The following LRRC66 variants were observed in gnomAD, a reference collection of about 807,000 sequenced individuals.
LRRC66 encodes leucine-rich repeat-containing protein 66.
In LRRC66, 29 loss-of-function variants were observed where a neutral mutation model predicts 24.6. The ratio of observed to expected loss-of-function variants is 1.18; its 90% CI spans 0.88 to 1.61. The LOEUF (loss-of-function observed/expected upper bound fraction) is 1.61, where lower values mean the gene tolerates loss of function less well. Ranked by LOEUF, LRRC66 falls within the 40% of genes most tolerant of loss-of-function variation. The probability of loss-of-function intolerance (pLI) is 0.00; values close to 1 mark genes in which losing one functional copy is unlikely to be tolerated. For synonymous variants in LRRC66, 411 were observed against 397.6 expected, an observed-to-expected ratio of 1.03 and a Z score of -0.40; for missense variants, 1,124 against 1,058.0, an observed-to-expected ratio of 1.06 and a Z score of -0.87.
At chr4:51,999,910 TC>T (rs1224483299) in intron 3 of LRRC66, among the ~76,000 whole-genome samples, 2 of 152,222 alleles carry the variant, frequency 1.3e-5, no homozygotes, top group African/African-American at 2.4e-5. Flanking sequence ...ATTTGAAATG[TC>T]AGTGAAACTT....
intron 2 of LRRC66, among the ~76,000 whole-genome samples, chr4:52,016,643 T>C (rs1736818262): frequency 6.6e-6 from 1 of 152,122 alleles, no homozygotes; most frequent in African/African-American, 2.4e-5. Flanking sequence ...TACCAATATA[T>C]AATATTAGGA....
intron 2 of LRRC66, among the ~76,000 whole-genome samples, chr4:52,006,012 C>T (rs921586071): frequency 1.3e-5 from 2 of 152,208 alleles, no homozygotes; most frequent in African/African-American, 4.8e-5. Flanking sequence ...GCTTTCTTAA[C>T]ATTTTCATGA....
chr4:52,004,899 C>T (rs1736538924), intron 2 of LRRC66, among the ~76,000 whole-genome samples: 1 of 152,186 alleles, frequency 6.6e-6, no homozygotes, highest in African/African-American at 2.4e-5. Flanking sequence ...AGCATAGAAT[C>T]TTTACTCTTT....
Position 52,015,742 on chromosome 4 carries a change from C to T in LRRC66, c.496+1376G>A, listed in dbSNP as rs542924062. Among the ~76,000 whole-genome samples the T allele has an allele frequency of 3.9e-5, 6 of 152,190 alleles. No homozygotes were observed. In the East Asian group the frequency reaches 1.2e-3, roughly 29 times the overall value. On this transcript the variant is annotated intron_variant, in intron 2 of 4. Transcript: ENST00000682860. ...AATGACGTCCATCAAAAAACAAAAC[C>T]TGGAAATAACCTAGTGCTTGATTAA...
At chr4:51,998,603 T>C (rs1736376774) in intron 3 of LRRC66, among the ~76,000 whole-genome samples, 2 of 152,174 alleles carry the variant, frequency 1.3e-5, no homozygotes, top group Admixed American at 1.3e-4. Flanking sequence ...TTTCTCCACA[T>C]CCATGGCTAT....
At chr4:52,006,556 TG>T (rs1410088587) in intron 2 of LRRC66, among the ~76,000 whole-genome samples, 5 of 27,080 alleles carry the variant, frequency 1.8e-4, no homozygotes, top group Non-Finnish European at 2.7e-4. Context: ...TGTTGTGGGT[TG>T]GGGGGAGGGG....
intron 3 of LRRC66, 94 bp downstream of exon 3, chr4:52,003,129 C>G: frequency 3.1e-6 from 3 of 968,568 alleles, no homozygotes; most frequent in Non-Finnish European, 4.6e-6. Context: ...GCCAGTACTA[C>G]TGGACATGAA....
At position 51,995,665 on chromosome 4, in the gene LRRC66, C is replaced by CT; in HGVS notation, c.1356_1357insA (p.Glu453ArgfsTer20). On this transcript the variant is annotated frameshift_variant, in exon 5 of 5. Coordinates refer to ENST00000682860, the MANE Select transcript of LRRC66 (RefSeq NM_001024611.3). LOFTEE classifies it low-confidence loss of function (END_TRUNC). Reference sequence around the variant, plus strand: ...GTCACCCAGAAAGGGGTCTGGTTCTCGTAGAGGCTTAGATGAGGAAATACT... The same window carrying CT: ...GTCACCCAGAAAGGGGTCTGGTTCTCTGTAGAGGCTTAGATGAGGAAATACT... The CT allele has an allele frequency of 2.5e-6, 4 of 1,614,106 alleles. No homozygotes were observed. Among genetic ancestry groups the CT allele is most frequent in the Non-Finnish European group, 3.4e-6 (4 of 1,180,022 alleles).
intron 3 of LRRC66, among the ~76,000 whole-genome samples, chr4:52,000,607 G>A (rs1736426608): frequency 6.6e-6 from 1 of 152,226 alleles, no homozygotes; most frequent in African/African-American, 2.4e-5. Context: ...CTTCCTCGAT[G>A]GCTCTGAAGC....
At chr4:52,014,382 C>A (rs555438732) in intron 2 of LRRC66, among the ~76,000 whole-genome samples, 2 of 152,304 alleles carry the variant, frequency 1.3e-5, no homozygotes, top group East Asian at 1.9e-4. Context: ...AATCTTCAGA[C>A]AAGATTCTGA....
chr4:52,018,337 G>C, intron 1 of LRRC66: 1 of 984,718 alleles, frequency 1.0e-6, no homozygotes, highest in Non-Finnish European at 1.2e-6. Flanking sequence ...AAAAAGAAGT[G>C]TGTACAAATT....
intron 2 of LRRC66, among the ~76,000 whole-genome samples, chr4:52,006,822 C>T (rs1736597422): frequency 2.6e-5 from 4 of 151,544 alleles, no homozygotes; most frequent in Non-Finnish European, 4.4e-5. Context: ...CTAAGCATTT[C>T]ACAGACATCT....
intron 3 of LRRC66, among the ~76,000 whole-genome samples, chr4:52,000,074 T>G (rs1291016413): frequency 2.0e-5 from 3 of 152,226 alleles, no homozygotes; most frequent in African/African-American, 7.2e-5. Context: ...ATTCAGCTTT[T>G]TTGGTACCAA....
rs755688418 is a variant in LRRC66, at chr4:51,995,673, C to A, written c.1349G>T (p.Ser450Ile). The change falls in exon 5 of 5, where the codon AGC (serine) becomes ATC (isoleucine). Residue 450 changes from serine to isoleucine, a missense_variant. Physicochemically the swap from Ser to Ile is moderately radical, Grantham distance 142 (BLOSUM62 -2). Transcript: ENST00000682860. ...GAAAGGGGTCTGGTTCTCGTAGAGG[C>A]TTAGATGAGGAAATACTTGGCGCAG... ...THLRQVFPHLSLYENQTPFWV... is the reference protein window; with the variant it reads ...THLRQVFPHLILYENQTPFWV... 26 of 1,613,956 alleles carry A rather than the reference C, an allele frequency of 1.6e-5. No individual in the cohort carries two copies. In the African/African-American group the frequency reaches 2.8e-4, roughly 17 times the overall value.
At chr4:52,001,120 A>G (rs567245304) in intron 3 of LRRC66, among the ~76,000 whole-genome samples, 3 of 152,366 alleles carry the variant, frequency 2.0e-5, no homozygotes, top group East Asian at 3.9e-4. Flanking sequence ...GATAGGGTAG[A>G]AGCGTTTGAG....
chr4:52,017,357 T>C lies in LRRC66; in HGVS notation c.257A>G (p.Lys86Arg), dbSNP rs761052819. ...LQSHTKKEEWKIKHLDLSNNL... is the reference protein window; with the variant it reads ...LQSHTKKEEWRIKHLDLSNNL... Reference sequence around the variant, plus strand: ...GTTACTGAGGTCCAGATGTTTTATTTTCCACTCTTCTTTTTTCGTGTGAGA... The same window carrying C: ...GTTACTGAGGTCCAGATGTTTTATTCTCCACTCTTCTTTTTTCGTGTGAGA... The change falls in exon 2 of 5, where the codon AAA (lysine) becomes AGA (arginine). Residue 86 changes from lysine (K) to arginine (R), a missense_variant. Lys to Arg is a conservative substitution (Grantham distance 26, BLOSUM62 2). Coordinates refer to ENST00000682860, the MANE Select transcript of LRRC66 (RefSeq NM_001024611.3). 6.2e-7 allele frequency: 1 copy of C among 1,614,168 alleles called. No individual in the cohort carries two copies.
chr4:52,019,570 C>A (rs1291320073), intron 1 of LRRC66, among the ~76,000 whole-genome samples: 1 of 152,120 alleles, frequency 6.6e-6, no homozygotes, highest in Admixed American at 6.5e-5. Context: ...GTACACATGG[C>A]CATGAACAGC....
chr4:52,017,128 G>A lies in LRRC66; in HGVS notation c.486C>T (p.Asp162=). 1 of 1,613,158 alleles carries A rather than the reference G, an allele frequency of 6.2e-7. No individual in the cohort carries two copies. Among genetic ancestry groups the A allele is most frequent in the South Asian group, 1.1e-5 (1 of 90,922 alleles). ...TAAAATTGTACTCACCCTTGGGAGT[G>A]TCACTGAGTTTATTTCTTTGAAGAA... The part of the protein sequence containing the change: ...VLILQRNKLS[D]TPKGLWKLKS... The change falls in exon 2 of 5, where the codon GAC becomes GAT. Residue 162 remains aspartate, a synonymous_variant. Transcript: ENST00000682860.
rs1736493459 is a variant in LRRC66 at position 52,003,154 on chromosome 4, GA to G, written c.666+68del. On this transcript the variant is annotated intron_variant, in intron 3 of 4. Coordinates refer to ENST00000682860, the MANE Select transcript of LRRC66 (RefSeq NM_001024611.3). ...CTGGACATGAAGAAACTCTTCAATA[GA>G]AATATGCTTCTAATGTAATTGCCCA... 2.4e-6 allele frequency: 3 copies of G among 1,256,804 alleles called. No individual in the cohort carries two copies. In the African/African-American group the frequency reaches 4.5e-5, roughly 19 times the overall value. The allele number at this position is 1,256,804 out of a possible 1,614,324, so 77.9% of individuals were successfully genotyped here. A position where few individuals can be genotyped will look rare whatever the true frequency, so the allele number is the denominator to read the frequency against.
Sources: allele counts gnomAD v4.1 joint callset (sites outside exome capture counted in the v4.1 genomes callset), GRCh38; gene constraint gnomAD v4.1.1; transcripts MANE v1.5; gene names NCBI Gene and HGNC (gene_info 2026-07-23, HGNC 2026-07-21).